The following MGLL variants were observed in gnomAD, a reference collection of about 807,000 sequenced individuals.
MGLL encodes monoglyceride lipase, also known as lysophospholipase homolog.
A neutral mutation model predicts 29.1 loss-of-function variants in MGLL; 7 were observed. That is an observed-to-expected ratio of 0.24 (90% CI 0.14 to 0.45). The LOEUF (loss-of-function observed/expected upper bound fraction) is 0.45, where lower values mean the gene tolerates loss of function less well. MGLL is among the 20% of genes least tolerant of loss of function. The pLI is 0.99. For synonymous variants in MGLL, 148 were observed against 168.3 expected (o/e 0.88, Z 0.93); for missense variants, 356 against 413.6 (o/e 0.86, Z 1.21).
chr3:127,767,885 T>A (rs2076885766), intron 3 of MGLL, among the ~76,000 whole-genome samples: 1 of 152,218 alleles, frequency 6.6e-6, no homozygotes, highest in African/African-American at 2.4e-5. Context: ...GAACCTTTGA[T>A]AAACACTCCA....
intron 3 of MGLL, among the ~76,000 whole-genome samples, chr3:127,733,125 G>T (rs929663878): frequency 5.9e-5 from 9 of 152,128 alleles, no homozygotes; most frequent in Non-Finnish European, 1.3e-4. Context: ...TGATAAAACC[G>T]GTTGCAGTAA....
At chr3:127,793,010 AT>A (rs967130866) in intron 2 of MGLL, among the ~76,000 whole-genome samples, 1 of 152,128 alleles carries the variant, frequency 6.6e-6, no homozygotes, top group African/African-American at 2.4e-5. Context: ...GACTCAAAAT[AT>A]TTTTTCTTGG....
intron 6 of MGLL, among the ~76,000 whole-genome samples, chr3:127,700,151 A>G (rs547392831): frequency 6.6e-6 from 1 of 152,308 alleles, no homozygotes; most frequent in Admixed American, 6.5e-5. Context: ...CTCTGGCATA[A>G]TAGAGAAAGA....
At chr3:127,783,987 G>T (rs1559967968) in intron 2 of MGLL, 1 of 152,258 alleles carries the variant, frequency 6.6e-6, no homozygotes, top group Non-Finnish European at 1.5e-5. Context: ...AATGCAGACA[G>T]ACAGGTCGTT....
chr3:127,781,813 G>A lies in MGLL; in HGVS notation c.238C>T (p.Leu80=). 1 of 1,614,114 alleles carries A rather than the reference G, an allele frequency of 6.2e-7. No individual in the cohort carries two copies. The highest frequency in any genetic ancestry group is 8.5e-7 in the Non-Finnish European group (1 of 1,180,024). Residue 80 remains leucine, a synonymous_variant, in exon 3 of 8, where the codon CTG becomes TTG. Coordinates refer to ENST00000265052, the MANE Select transcript of MGLL (RefSeq NM_007283.7). ...ELARMLMGLD[L]LVFAHDHVGH... is the part of the protein sequence containing the mutation. ...CCATGGTCGTGGGCGAACACCAGCA[G>A]GTCCAGCCCCATCAGCATCCGAGCC... is the stretch of plus-strand genomic sequence containing the variant.
chr3:127,766,183 A>G (rs1321164472), intron 3 of MGLL, among the ~76,000 whole-genome samples: 1 of 151,964 alleles, frequency 6.6e-6, no homozygotes, highest in Non-Finnish European at 1.5e-5. Context: ...TCCCATGCAC[A>G]CTTCTGCCAG....
At chr3:127,705,620 T>C (rs1180578431) in intron 6 of MGLL, among the ~76,000 whole-genome samples, 1 of 151,448 alleles carries the variant, frequency 6.6e-6, no homozygotes, top group Non-Finnish European at 1.5e-5. Flanking sequence ...CTACTAAAAA[T>C]ATGAAATTAG....
chr3:127,720,335 T>G (rs1225001840), intron 5 of MGLL, among the ~76,000 whole-genome samples: 1 of 152,304 alleles, frequency 6.6e-6, no homozygotes, highest in Non-Finnish European at 1.5e-5. Flanking sequence ...CGGCTATGTA[T>G]CTACCTTAAG....
intron 3 of MGLL, among the ~76,000 whole-genome samples, chr3:127,750,874 A>T (rs2076545855): frequency 6.6e-6 from 1 of 152,240 alleles, no homozygotes; most frequent in Admixed American, 6.5e-5. Context: ...GCCCACAGTC[A>T]TATCTGCTCT....
chr3:127,700,913 G>A (rs574445135), intron 6 of MGLL, among the ~76,000 whole-genome samples: 5 of 152,024 alleles, frequency 3.3e-5, no homozygotes, highest in Non-Finnish European at 7.4e-5. Flanking sequence ...TATCCTAAAC[G>A]CAAATAAGAA....
At chr3:127,717,307 TG>T (rs1195020215) in intron 5 of MGLL, among the ~76,000 whole-genome samples, 1 of 152,012 alleles carries the variant, frequency 6.6e-6, no homozygotes, top group Non-Finnish European at 1.5e-5. Flanking sequence ...CAGATGGGAG[TG>T]GGCTCCATTA....
chr3:127,773,999 C>A (rs939561416), intron 3 of MGLL, among the ~76,000 whole-genome samples: 2 of 152,216 alleles, frequency 1.3e-5, no homozygotes, highest in Non-Finnish European at 2.9e-5. Flanking sequence ...CGCACAGCAG[C>A]CTCAGGTCGT....
intron 3 of MGLL, chr3:127,735,734 T>A: frequency 6.3e-7 from 1 of 1,598,146 alleles, no homozygotes; most frequent in Non-Finnish European, 8.5e-7. Context: ...CAGCACGTGC[T>A]CGCTCCCCGC....
Position 127,735,871 on chromosome 3 carries a change from C to T in MGLL, c.263-13305G>A. ...ATCTAGTCTGCATCTCTCCCACTTA[C>T]AAGGATTTTCTCCTGTTCAGCTCTG... On this transcript the variant is annotated intron_variant, in intron 3 of 7. Transcript: ENST00000265052. The T allele has an allele frequency of 3.2e-6, 5 of 1,583,478 alleles. No individual in the cohort carries two copies. The African/African-American group carries it at 6.7e-5, about 21-fold the overall frequency.
At chr3:127,743,201 G>A (rs1255444783) in intron 3 of MGLL, among the ~76,000 whole-genome samples, 4 of 152,168 alleles carry the variant, frequency 2.6e-5, no homozygotes, top group Non-Finnish European at 5.9e-5. Flanking sequence ...CAATCTTCCA[G>A]TTTCAGCAGA....
chr3:127,805,512 T>C (rs1394261640), intron 2 of MGLL, among the ~76,000 whole-genome samples: 1 of 152,120 alleles, frequency 6.6e-6, no homozygotes, highest in Admixed American at 6.5e-5. Context: ...TGGGACCTCA[T>C]CAGAGCCACT....
intron 2 of MGLL, among the ~76,000 whole-genome samples, chr3:127,811,458 G>A (rs1174492906): frequency 6.6e-6 from 1 of 152,226 alleles, no homozygotes; most frequent in East Asian, 1.9e-4. Flanking sequence ...CTCAGAGGCA[G>A]AGGTAGTAAT....
At chr3:127,787,497 C>A (rs756576820) in intron 2 of MGLL, among the ~76,000 whole-genome samples, 1 of 152,214 alleles carries the variant, frequency 6.6e-6, no homozygotes, top group African/African-American at 2.4e-5. Context: ...AAAGGAAGAA[C>A]GGAATGCCCA....
At chr3:127,774,482 T>C (rs1390767429) in intron 3 of MGLL, among the ~76,000 whole-genome samples, 1 of 152,194 alleles carries the variant, frequency 6.6e-6, no homozygotes, top group African/African-American at 2.4e-5. Flanking sequence ...TCAGTGAATA[T>C]CAAAGAATGA....
Sources: allele counts gnomAD v4.1 joint callset (sites outside exome capture counted in the v4.1 genomes callset), GRCh38; gene constraint gnomAD v4.1.1; transcripts MANE v1.5; gene names NCBI Gene and HGNC (gene_info 2026-07-23, HGNC 2026-07-21).